Variants in SHOC2 observed in about 807,000 individuals in gnomAD.
The protein encoded by SHOC2 is leucine-rich repeat protein SHOC-2.
Under a neutral mutation model 50.2 loss-of-function variants are expected in SHOC2, and 4 were observed. The ratio of observed to expected loss-of-function variants is 0.08; its 90% CI spans 0.04 to 0.18. SHOC2 has a LOEUF of 0.18. Ranked by LOEUF, SHOC2 falls within the 10% of genes least tolerant of loss-of-function variation. The pLI is 1.00. For missense variants in SHOC2, 388 were observed against 669.6 expected, an observed-to-expected ratio of 0.58 and a Z score of 4.64; for synonymous variants, 218 against 244.5, an observed-to-expected ratio of 0.89 and a Z score of 1.01.
chr10:110,940,713 G>A (rs1056812193), intron 1 of SHOC2, among the ~76,000 whole-genome samples: 4 of 151,962 alleles, frequency 2.6e-5, no homozygotes, highest in African/African-American at 9.7e-5. Flanking sequence ...ATGGTTTTCT[G>A]TTGTCTTTAA....
At chr10:110,986,461 G>A (rs908763912) in intron 3 of SHOC2, among the ~76,000 whole-genome samples, 2 of 152,044 alleles carry the variant, frequency 1.3e-5, no homozygotes, top group Non-Finnish European at 2.9e-5. Context: ...TGAATATTTA[G>A]TATTTTAATT....
At chr10:110,988,358 A>G (rs1345144391) in intron 3 of SHOC2, among the ~76,000 whole-genome samples, 2 of 152,118 alleles carry the variant, frequency 1.3e-5, no homozygotes, top group African/African-American at 4.8e-5. Flanking sequence ...TTTGTTTTAA[A>G]GCAATTTCAA....
chr10:110,926,293 CT>C (rs1564700455), intron 1 of SHOC2, among the ~76,000 whole-genome samples: 1 of 152,176 alleles, frequency 6.6e-6, no homozygotes, highest in African/African-American at 2.4e-5. Flanking sequence ...AATGTCTAGA[CT>C]TTGTAGGTTC....
rs1332517146 is a variant in SHOC2, at chr10:111,012,660, G to A, written c.*842G>A. On this transcript the variant is annotated 3_prime_UTR_variant, in exon 9 of 9. Transcript: ENST00000369452. ...AAGTTGCAGATCCACAAAACTAACA[G>A]GATAATTGGGCAAATAAATTACATA... 6.6e-6 allele frequency: 1 copy of A among 152,002 alleles called. No homozygotes were observed. Among genetic ancestry groups the A allele is most frequent in the East Asian group, 1.9e-4 (1 of 5,194 alleles). 9.4% of individuals were successfully genotyped at this position (152,002 alleles called of 1,614,324 possible).
At chr10:110,937,021 G>T in intron 1 of SHOC2, 1 of 1,482,232 alleles carries the variant, frequency 6.7e-7, no homozygotes, top group Non-Finnish European at 9.4e-7. Context: ...CCCGGAAGTG[G>T]TAGGGGCGTC....
intron 1 of SHOC2, among the ~76,000 whole-genome samples, chr10:110,960,227 T>G (rs1847545872): frequency 6.6e-6 from 1 of 152,250 alleles, no homozygotes; most frequent in Non-Finnish European, 1.5e-5. Flanking sequence ...TCTTACTCAT[T>G]TGCATATTGT....
At chr10:110,976,563 C>T (rs1847882107) in intron 2 of SHOC2, among the ~76,000 whole-genome samples, 1 of 152,202 alleles carries the variant, frequency 6.6e-6, no homozygotes, top group South Asian at 2.1e-4. Context: ...CCATCCACCT[C>T]AGCCTCCCAG....
rs1239801718 is a variant in SHOC2, at chr10:111,004,612, T to C, written c.979T>C (p.Leu327=). Residue 327 remains leucine (L), a synonymous_variant, in exon 5 of 9, where the codon TTA becomes CTA. Transcript: ENST00000369452. ...TATTTCATTTTTTTTACAGAGTCTT[T>C]TATCAAGTCTTGTGAAACTGAATAG... ...NNISTLPESL[L]SSLVKLNSLT... The C allele has an allele frequency of 1.2e-6, 2 of 1,608,758 alleles. No individual in the cohort carries two copies. The highest frequency in any genetic ancestry group is 2.2e-5 in the East Asian group (1 of 44,840).
chr10:111,009,348 C>T lies in SHOC2; in HGVS notation c.1385C>T (p.Ser462Phe). 1 of 1,609,722 alleles carries T rather than the reference C, an allele frequency of 6.2e-7. No homozygotes were observed. Among genetic ancestry groups the T allele is most frequent in the Non-Finnish European group, 8.5e-7 (1 of 1,176,384 alleles). Residue 462 changes from serine (S) to phenylalanine (F), a missense_variant, in exon 7 of 9, where the codon TCC becomes TTC. By Grantham distance (155) the Ser-to-Phe change is radical (BLOSUM62 -2). Transcript: ENST00000369452. ...GATCTAGAAGAGAACAAATTGGAATCCTTGCCAAATGAAATTGCATATCTT... is the reference window on the plus strand; with the variant it reads ...GATCTAGAAGAGAACAAATTGGAATTCTTGCCAAATGAAATTGCATATCTT... Reference protein sequence around the residue: ...ELDLEENKLESLPNEIAYLKD... With the variant: ...ELDLEENKLEFLPNEIAYLKD...
chr10:110,922,272 C>T (rs898205855), intron 1 of SHOC2, among the ~76,000 whole-genome samples: 1 of 152,030 alleles, frequency 6.6e-6, no homozygotes, highest in Non-Finnish European at 1.5e-5. Flanking sequence ...AAGATGGCTT[C>T]CGAGTAGTGA....
chr10:110,991,463 C>G (rs907669036), intron 3 of SHOC2, among the ~76,000 whole-genome samples: 1 of 152,066 alleles, frequency 6.6e-6, no homozygotes, highest in African/African-American at 2.4e-5. Flanking sequence ...ACATTAACAA[C>G]AAGAAAATTT....
intron 1 of SHOC2, among the ~76,000 whole-genome samples, chr10:110,958,454 C>A (rs943187046): frequency 6.6e-6 from 1 of 152,080 alleles, no homozygotes. Flanking sequence ...CCTCCTGATC[C>A]GTCTGCCTCA....
At chr10:110,945,403 T>C (rs1847228101) in intron 1 of SHOC2, among the ~76,000 whole-genome samples, 1 of 152,232 alleles carries the variant, frequency 6.6e-6, no homozygotes, top group South Asian at 2.1e-4. Flanking sequence ...ACTGTGGATC[T>C]GGAGAGCAAG....
At chr10:110,991,560 A>G (rs1419767102) in intron 3 of SHOC2, among the ~76,000 whole-genome samples, 1 of 152,226 alleles carries the variant, frequency 6.6e-6, no homozygotes, top group East Asian at 1.9e-4. Flanking sequence ...GGCAAAGTAA[A>G]TTAGTAATAT....
intron 1 of SHOC2, among the ~76,000 whole-genome samples, chr10:110,922,533 A>G (rs763014366): frequency 1.3e-5 from 2 of 152,106 alleles, no homozygotes; most frequent in Non-Finnish European, 2.9e-5. Context: ...CTCTATATGT[A>G]GATATAAGGA....
In SHOC2 at chr10:111,000,416, A is replaced by G; in HGVS notation, c.843A>G (p.Gly281=). ...NELLDLPDTI[G]NLSSLSRLGL... is the part of the protein sequence containing the mutation. ...TTCTTTTTTTGTGTGTGTTTACAGG[A>G]AACCTGTCCAGTTTAAGTCGTCTTG... The change falls in exon 4 of 9, where the codon GGA becomes GGG. Residue 281 remains glycine (G), a splice_region_variant and synonymous_variant. Transcript: ENST00000369452. 1 of 1,613,798 alleles carries G rather than the reference A, an allele frequency of 6.2e-7. No homozygotes were observed. Among genetic ancestry groups the G allele is most frequent in the South Asian group, 1.1e-5 (1 of 91,072 alleles).
rs748328568 is a variant in SHOC2, at chr10:111,011,580, T to TA, written c.1541-21dup. On this transcript the variant is annotated intron_variant, in intron 8 of 8. Transcript: ENST00000369452. ...AACTTTTAAAATAGCAACTAATTTT[T>TA]AAAAAAAAATTGATTTTTTTTTTAA... 306 of 1,531,670 alleles carry TA rather than the reference T, an allele frequency of 2.0e-4. No homozygotes were observed. Among genetic ancestry groups the TA allele is most frequent in the Non-Finnish European group, 2.4e-4 (269 of 1,109,022 alleles). 94.9% of individuals were successfully genotyped at this position (1,531,670 alleles called of 1,614,324 possible).
intron 1 of SHOC2, among the ~76,000 whole-genome samples, chr10:110,949,896 C>A (rs1157887983): frequency 6.6e-6 from 1 of 152,090 alleles, no homozygotes; most frequent in Admixed American, 6.5e-5. Context: ...GATAAAAACT[C>A]AACAAATTAG....
chr10:110,998,965 TGTA>T (rs1848317977), intron 3 of SHOC2, among the ~76,000 whole-genome samples: 1 of 152,232 alleles, frequency 6.6e-6, no homozygotes, highest in African/African-American at 2.4e-5. Context: ...CTGTAAGTAT[TGTA>T]GTAATATTGC....
Sources: gnomAD v4.1 joint callset for allele counts (sites outside exome capture counted in the v4.1 genomes callset) on GRCh38, gnomAD v4.1.1 for gene constraint, MANE v1.5 for transcripts, NCBI Gene and HGNC (gene_info 2026-07-23, HGNC 2026-07-21) for gene names.